The following WDR25 variants were observed in gnomAD, a reference collection of about 807,000 sequenced individuals.
The protein encoded by WDR25 is WD repeat-containing protein 25.
A neutral mutation model predicts 47.7 loss-of-function variants in WDR25; 35 were observed. The ratio of observed to expected loss-of-function variants is 0.73; its 90% CI spans 0.56 to 0.97. The LOEUF is 0.97. Ranked by LOEUF, WDR25 falls within the 50% of genes least tolerant of loss-of-function variation. WDR25 has a pLI of 0.00. For missense variants in WDR25, 634 were observed against 704.7 expected (o/e 0.90, Z 1.14); for synonymous variants, 248 against 278.9 (o/e 0.89, Z 1.10).
chr14:100,526,052 C>T lies in WDR25; in HGVS notation c.1272+12C>T. 6.2e-7 allele frequency: 1 copy of T among 1,613,816 alleles called. No individual in the cohort carries two copies. The highest frequency in any genetic ancestry group is 8.5e-7 in the Non-Finnish European group (1 of 1,179,882). On this transcript the variant is annotated intron_variant, in intron 5 of 6. Coordinates refer to ENST00000402312, the MANE Select transcript of WDR25 (RefSeq NM_001161476.3). ...ACCAGATTTTCCACGTAAGAAATCC[C>T]ATTTGGCATTGCTGTCAGTTTCAGC...
intron 2 of WDR25, among the ~76,000 whole-genome samples, chr14:100,461,732 G>C (rs1899420815): frequency 6.6e-6 from 1 of 152,110 alleles, no homozygotes; most frequent in Non-Finnish European, 1.5e-5. Context: ...TATTTTCTGG[G>C]GCAACAGGGA....
intron 2 of WDR25, among the ~76,000 whole-genome samples, chr14:100,439,061 G>C (rs1278961836): frequency 1.3e-5 from 2 of 152,346 alleles, no homozygotes; most frequent in South Asian, 4.1e-4. Context: ...GCAGTAGGGA[G>C]TGGGGCTGGG....
At chr14:100,400,215 G>T (rs1045557395) in intron 2 of WDR25, among the ~76,000 whole-genome samples, 6 of 152,230 alleles carry the variant, frequency 3.9e-5, no homozygotes, top group South Asian at 2.1e-4. Flanking sequence ...GTCCTGTACC[G>T]CAGTGACATT....
chr14:100,377,466 A>C (rs899770281), intron 1 of WDR25, among the ~76,000 whole-genome samples: 5 of 138,782 alleles, frequency 3.6e-5, no homozygotes, highest in African/African-American at 1.3e-4. Flanking sequence ...CACACGGCTA[A>C]ATTTTTTTTT....
chr14:100,464,139 C>G (rs2140289713), intron 2 of WDR25, among the ~76,000 whole-genome samples: 1 of 152,320 alleles, frequency 6.6e-6, no homozygotes, highest in East Asian at 1.9e-4. Flanking sequence ...CTGCCAACCC[C>G]CAGCCTTGCT....
At chr14:100,480,396 A>G (rs148048562) in intron 3 of WDR25, among the ~76,000 whole-genome samples, 106 of 152,348 alleles carry the variant, frequency 7.0e-4, no homozygotes, top group African/African-American at 2.4e-3. Flanking sequence ...CTTCATTTAC[A>G]GAAAAGCAAG....
intron 4 of WDR25, among the ~76,000 whole-genome samples, chr14:100,492,619 T>A (rs957422921): frequency 6.6e-6 from 1 of 152,232 alleles, no homozygotes; most frequent in Non-Finnish European, 1.5e-5. Flanking sequence ...TAATACATAT[T>A]GCCACTAAAA....
At position 100,430,961 on chromosome 14, in the gene WDR25, C is replaced by T. The variant is rs1384134152; in HGVS notation, c.823-37060C>T. Among the ~76,000 whole-genome samples, 7 of 152,112 alleles carry T rather than the reference C, an allele frequency of 4.6e-5. No homozygotes were observed. The highest frequency in any genetic ancestry group is 3.9e-4 in the Admixed American group (6 of 15,280). ...GTGAAGGGCTTCCTTCTGGCCTCATCGTTGGCTTCTATGTGGCCGGCCTTC... is the reference window on the plus strand; with the variant it reads ...GTGAAGGGCTTCCTTCTGGCCTCATTGTTGGCTTCTATGTGGCCGGCCTTC... On this transcript the variant is annotated intron_variant, in intron 2 of 6. Transcript: ENST00000402312. This position sits in a 1 kb window ranked among gnomAD's most constrained non-coding sequence, Gnocchi z 4.7.
intron 2 of WDR25, among the ~76,000 whole-genome samples, chr14:100,458,473 ACACCCCG>A (rs1478195169): frequency 1.2e-4 from 18 of 152,324 alleles, no homozygotes; most frequent in African/African-American, 4.1e-4. Context: ...GGAGATTTCA[ACACCCCG>A]CTCTCAATAA....
chr14:100,392,245 C>T lies in WDR25; in HGVS notation c.822+10499C>T, dbSNP rs1897161404. 6.6e-6 allele frequency among the ~76,000 whole-genome samples: 1 copy of T among 152,104 alleles called. No individual in the cohort carries two copies. The highest frequency in any genetic ancestry group is 6.6e-5 in the Admixed American group (1 of 15,260). ...TTTTAGACAGTGTAATTGAGGACCACAGTTTTCTTTACATCTGTAATTACA... is the reference window on the plus strand; with the variant it reads ...TTTTAGACAGTGTAATTGAGGACCATAGTTTTCTTTACATCTGTAATTACA... On this transcript the variant is annotated intron_variant, in intron 2 of 6. Transcript: ENST00000402312. This position sits in a 1 kb window ranked among gnomAD's most constrained non-coding sequence, Gnocchi z 4.2.
chr14:100,520,430 T>C lies in WDR25; in HGVS notation c.1102-5440T>C, dbSNP rs150666941. 3.3e-5 allele frequency among the ~76,000 whole-genome samples: 5 copies of C among 152,276 alleles called. No individual in the cohort carries two copies. The East Asian group carries it at 7.7e-4, about 23-fold the overall frequency. On this transcript the variant is annotated intron_variant, in intron 4 of 6. Transcript: ENST00000402312. Reference sequence around the variant, plus strand: ...AACAATGAAACGACTGAAAACACTTTAAGATTTCTTGCAGTTCTCTTTGTT... The same window carrying C: ...AACAATGAAACGACTGAAAACACTTCAAGATTTCTTGCAGTTCTCTTTGTT...
At chr14:100,483,831 G>A (rs1403764981) in intron 3 of WDR25, among the ~76,000 whole-genome samples, 163 bp from the exon 4 acceptor site, 3 of 152,186 alleles carry the variant, frequency 2.0e-5, no homozygotes, top group Non-Finnish European at 4.4e-5. Flanking sequence ...GGCAAATCTT[G>A]CTGCCACCGC....
chr14:100,445,815 A>G (rs1044787590), intron 2 of WDR25, among the ~76,000 whole-genome samples: 1 of 152,204 alleles, frequency 6.6e-6, no homozygotes. Flanking sequence ...CCTTTGTTCT[A>G]CCCTGACTCA....
chr14:100,452,596 G>C (rs1024270892), intron 2 of WDR25, among the ~76,000 whole-genome samples: 6 of 152,058 alleles, frequency 3.9e-5, no homozygotes, highest in African/African-American at 7.2e-5. Flanking sequence ...GAAGATGCTG[G>C]AGTGTGAGAG....
At chr14:100,395,040 G>T (rs1225792042) in intron 2 of WDR25, among the ~76,000 whole-genome samples, 1 of 152,226 alleles carries the variant, frequency 6.6e-6, no homozygotes, top group African/African-American at 2.4e-5. Flanking sequence ...TACTGTGCAT[G>T]CTGTGGGGCG....
At chr14:100,520,212 AC>A (rs1399429311) in intron 4 of WDR25, among the ~76,000 whole-genome samples, 1 of 151,606 alleles carries the variant, frequency 6.6e-6, no homozygotes, top group Non-Finnish European at 1.5e-5. Flanking sequence ...CCTTCTGTGG[AC>A]AGAGCTGGGA....
chr14:100,526,505 C>T (rs2030147399), intron 5 of WDR25, among the ~76,000 whole-genome samples: 1 of 152,076 alleles, frequency 6.6e-6, no homozygotes. Flanking sequence ...GAGCCTTGGG[C>T]CTGCTATTTA....
intron 2 of WDR25, among the ~76,000 whole-genome samples, chr14:100,390,771 C>T (rs770335731): frequency 9.9e-5 from 15 of 152,126 alleles, no homozygotes; most frequent in Non-Finnish European, 1.9e-4. Context: ...GGCTGTGTAG[C>T]GCTCAGTGTC....
chr14:100,475,994 A>T (rs922943827), intron 3 of WDR25, among the ~76,000 whole-genome samples: 3 of 152,368 alleles, frequency 2.0e-5, no homozygotes, highest in South Asian at 2.1e-4. Flanking sequence ...GACAAATTTT[A>T]AAAAATGACT....
Sources: gnomAD v4.1 joint callset for allele counts (sites outside exome capture counted in the v4.1 genomes callset) on GRCh38, gnomAD v4.1.1 for gene constraint, Gnocchi (gnomAD v3.1) non-coding constraint, MANE v1.5 for transcripts, NCBI Gene and HGNC (gene_info 2026-07-23, HGNC 2026-07-21) for gene names.